IPO11: variants seen among roughly 807,000 people sequenced by gnomAD.
IPO11 encodes importin 11.
Under a neutral mutation model 143.2 loss-of-function variants are expected in IPO11, and 66 were observed. The observed-to-expected ratio is 0.46, with a 90% confidence interval of 0.38 to 0.57. IPO11 has a LOEUF of 0.57. Ranked by LOEUF, IPO11 falls within the 20% of genes least tolerant of loss-of-function variation. The pLI, the probability that IPO11 is intolerant of heterozygous loss-of-function variation, is 0.00. For missense variants in IPO11, 1,026 were observed against 1,141.0 expected (o/e 0.90, Z 1.45); for synonymous variants, 385 against 377.8 (o/e 1.02, Z -0.22).
intron 3 of IPO11, among the ~76,000 whole-genome samples, chr5:62,444,355 G>A (rs969838767): frequency 2.0e-5 from 3 of 152,002 alleles, no homozygotes; most frequent in African/African-American, 7.2e-5. Flanking sequence ...GCCTCCCAAA[G>A]TGCTGGGATT....
At chr5:62,555,694 G>T (rs915442095) in intron 26 of IPO11, among the ~76,000 whole-genome samples, 1 of 151,980 alleles carries the variant, frequency 6.6e-6, no homozygotes, top group East Asian at 1.9e-4. Flanking sequence ...TAGTAGAGAC[G>T]GGGTTTCACC....
intron 3 of IPO11, among the ~76,000 whole-genome samples, chr5:62,444,553 T>A (rs1201546309): frequency 6.6e-6 from 1 of 152,200 alleles, no homozygotes; most frequent in East Asian, 1.9e-4. Context: ...TCATTTTGTT[T>A]TAGTGGTTAT....
chr5:62,452,598 T>A (rs945601361), intron 5 of IPO11, among the ~76,000 whole-genome samples: 2 of 150,826 alleles, frequency 1.3e-5, no homozygotes, highest in Non-Finnish European at 2.9e-5. Context: ...GGAAGGAGTT[T>A]GACGTAAGTA....
chr5:62,517,565 G>A (rs773774545), intron 20 of IPO11, among the ~76,000 whole-genome samples: 3 of 152,094 alleles, frequency 2.0e-5, no homozygotes, highest in Admixed American at 6.5e-5. Context: ...ACCATGCCTG[G>A]CTAATTTTTG....
intron 24 of IPO11, among the ~76,000 whole-genome samples, chr5:62,546,543 C>G (rs2112341034): frequency 6.6e-6 from 1 of 152,098 alleles, no homozygotes; most frequent in South Asian, 2.1e-4. Flanking sequence ...CACATGTATA[C>G]ATATGTAACA....
intron 27 of IPO11, chr5:62,580,255 A>G (rs1004602264): frequency 6.5e-7 from 1 of 1,544,916 alleles, no homozygotes; most frequent in African/African-American, 1.4e-5. Context: ...GGATGGGTTT[A>G]GTGGAATTAA....
intron 20 of IPO11, among the ~76,000 whole-genome samples, chr5:62,517,138 C>T (rs1183280286): frequency 4.0e-5 from 6 of 151,854 alleles, no homozygotes; most frequent in African/African-American, 9.7e-5. Context: ...GCAGAACTTG[C>T]AGTAAGCCGA....
At chr5:62,430,707 C>T (rs1234803567) in intron 1 of IPO11, among the ~76,000 whole-genome samples, 6 of 149,614 alleles carry the variant, frequency 4.0e-5, no homozygotes, top group Non-Finnish European at 7.4e-5. Flanking sequence ...GAGACAGAGC[C>T]TTGTTCTGTC....
chr5:62,554,789 C>T (rs1197617532), intron 26 of IPO11, among the ~76,000 whole-genome samples: 1 of 152,134 alleles, frequency 6.6e-6, no homozygotes, highest in African/African-American at 2.4e-5. Flanking sequence ...AATCTTGGCT[C>T]ACTGCAACCT....
intron 10 of IPO11, chr5:62,483,495 T>G: frequency 2.3e-6 from 1 of 440,096 alleles, no homozygotes; most frequent in Non-Finnish European, 4.0e-6. Flanking sequence ...ATAAGCCATT[T>G]TTTGTAGCAC....
chr5:62,480,656 G>C (rs985887644), intron 9 of IPO11, among the ~76,000 whole-genome samples: 17 of 152,064 alleles, frequency 1.1e-4, no homozygotes, highest in Non-Finnish European at 1.5e-4. Context: ...TCCTTCACAT[G>C]CCTTGTAAGT....
chr5:62,478,219 G>A (rs1746036372), intron 9 of IPO11, among the ~76,000 whole-genome samples: 1 of 152,170 alleles, frequency 6.6e-6, no homozygotes, highest in Non-Finnish European at 1.5e-5. Context: ...ACGCTGGAGT[G>A]CAGTGGTGTG....
At chr5:62,451,633 A>G in intron 4 of IPO11, 97 bp from the exon 5 acceptor site, 1 of 909,724 alleles carries the variant, frequency 1.1e-6, no homozygotes, top group Non-Finnish European at 1.7e-6. Context: ...AATCGTATTC[A>G]TTTTTGTCAA....
chr5:62,555,246 TC>T (rs1743532238), intron 26 of IPO11, among the ~76,000 whole-genome samples: 1 of 151,782 alleles, frequency 6.6e-6, no homozygotes, highest in Non-Finnish European at 1.5e-5. Context: ...ACATGGTGTG[TC>T]TTTTTTTTTG....
At chr5:62,463,712 A>G (rs954323762) in intron 5 of IPO11, among the ~76,000 whole-genome samples, 1 of 152,034 alleles carries the variant, frequency 6.6e-6, no homozygotes, top group Non-Finnish European at 1.5e-5. Flanking sequence ...AGTTATACCA[A>G]AAATGTTTAT....
chr5:62,531,549 C>T lies in IPO11; in HGVS notation c.2089+764C>T, dbSNP rs541795160. 5.3e-5 allele frequency among the ~76,000 whole-genome samples: 8 copies of T among 152,090 alleles called. No homozygotes were observed. In the East Asian group the frequency reaches 7.7e-4, roughly 15 times the overall value. On this transcript the variant is annotated intron_variant, in intron 22 of 29. Coordinates refer to ENST00000325324, the MANE Select transcript of IPO11 (RefSeq NM_016338.5). ...TTCACCGTGCTGGCCAGGCTGGTCTCGAACTCCTGACCTCGTGATCTGCCT... is the reference window on the plus strand; with the variant it reads ...TTCACCGTGCTGGCCAGGCTGGTCTTGAACTCCTGACCTCGTGATCTGCCT...
chr5:62,572,011 C>T (rs570083362), intron 27 of IPO11, among the ~76,000 whole-genome samples: 1 of 152,224 alleles, frequency 6.6e-6, no homozygotes, highest in Admixed American at 6.5e-5. Context: ...AATGTGTAAT[C>T]AAGACTAATA....
intron 26 of IPO11, among the ~76,000 whole-genome samples, chr5:62,551,666 TG>T (rs1216292033): frequency 6.6e-6 from 1 of 152,234 alleles, no homozygotes; most frequent in African/African-American, 2.4e-5. Context: ...GTATCATCTT[TG>T]TATTACTTCT....
chr5:62,455,892 T>C (rs1365751840), intron 5 of IPO11, among the ~76,000 whole-genome samples: 4 of 151,996 alleles, frequency 2.6e-5, no homozygotes, highest in African/African-American at 9.7e-5. Flanking sequence ...GCCCAGCTAA[T>C]TTTTGTATTT....
Sources: allele counts gnomAD v4.1 joint callset (sites outside exome capture counted in the v4.1 genomes callset), GRCh38; gene constraint gnomAD v4.1.1; transcripts MANE v1.5; gene names NCBI Gene and HGNC (gene_info 2026-07-23, HGNC 2026-07-21).